The following RNF130 variants were observed in gnomAD, a reference collection of about 807,000 sequenced individuals.
The protein encoded by RNF130 is E3 ubiquitin-protein ligase RNF130.
RNF130 carries 21 observed loss-of-function variants against 44.6 expected under a neutral mutation model. The observed-to-expected ratio is 0.47, with a 90% CI of 0.33 to 0.68. The LOEUF (loss-of-function observed/expected upper bound fraction) is 0.68, where lower values mean the gene tolerates loss of function less well. Ranked by LOEUF, RNF130 falls within the 30% of genes least tolerant of loss-of-function variation. RNF130 has a pLI of 0.02. For synonymous variants in RNF130, 214 were observed against 210.4 expected (o/e 1.02, Z -0.15); for missense variants, 479 against 560.6 (o/e 0.85, Z 1.47).
At position 180,071,465 on chromosome 5, in the gene RNF130, G is replaced by A. The variant is rs1765262373; in HGVS notation, c.238C>T (p.Leu80Phe). 2 of 1,244,384 alleles carry A rather than the reference G, an allele frequency of 1.6e-6. No homozygotes were observed. The highest frequency in any genetic ancestry group is 3.4e-5 in the South Asian group (1 of 29,054). 77.1% of individuals were successfully genotyped at this position (1,244,384 alleles called of 1,614,324 possible). A position where few individuals can be genotyped will look rare whatever the true frequency, so the allele number is the denominator to read the frequency against. Residue 80 changes from leucine (L) to phenylalanine (F), a missense_variant, in exon 1 of 9, where the codon CTC (leucine) becomes TTC (phenylalanine). Around this residue, in one of 3 missense-constraint regions of RNF130, gnomAD observed 138 missense variants for 126.9 expected, o/e 1.09. Transcript: ENST00000521389. ...CCGGGCCGGCACTCACCTCCGTGGAGGGGCAGCGGCGCCAGCACCTGGCCG... is the reference window on the plus strand; with the variant it reads ...CCGGGCCGGCACTCACCTCCGTGGAAGGGCAGCGGCGCCAGCACCTGGCCG... ...VRGQVLAPLP[L>F]HGVADHLGCD...
At chr5:179,925,455 G>A (rs565026324) in intron 7 of RNF130, among the ~76,000 whole-genome samples, 39 of 152,306 alleles carry the variant, frequency 2.6e-4, no homozygotes, top group South Asian at 1.7e-3. Flanking sequence ...ACCAAAAAGA[G>A]AAATAACAGG....
In RNF130 at chr5:180,013,229, T is replaced by C; in HGVS notation, c.525A>G (p.Val175=). Reference sequence around the variant, plus strand: ...GAGTTCCAACAGCTATTGTCATTTGTACAGAGATGTTTTTCTCCAGATAAC... The same window carrying C: ...GAGTTCCAACAGCTATTGTCATTTGCACAGAGATGTTTTTCTCCAGATAAC... The part of the protein sequence containing the change: ...ILSYLEKNIS[V]QMTIAVGTRM... Residue 175 remains valine (V), a synonymous_variant, in exon 3 of 9, where the codon GTA becomes GTG. Transcript: ENST00000521389. The C allele has an allele frequency of 6.2e-7, 1 of 1,614,236 alleles. No homozygotes were observed. Among genetic ancestry groups the C allele is most frequent in the South Asian group, 1.1e-5 (1 of 91,080 alleles).
At chr5:179,943,477 T>C (rs1750888562) in intron 7 of RNF130, among the ~76,000 whole-genome samples, 1 of 152,234 alleles carries the variant, frequency 6.6e-6, no homozygotes, top group Non-Finnish European at 1.5e-5. Context: ...ACTATTTTTA[T>C]TTTTTGCCAT....
At chr5:180,000,040 T>G (rs1468635956) in intron 3 of RNF130, among the ~76,000 whole-genome samples, 3 of 152,238 alleles carry the variant, frequency 2.0e-5, no homozygotes, top group Non-Finnish European at 4.4e-5. Context: ...GTGACTTTCA[T>G]ACTCCTGCAT....
At chr5:180,003,932 C>T (rs902652074) in intron 3 of RNF130, among the ~76,000 whole-genome samples, 1 of 152,196 alleles carries the variant, frequency 6.6e-6, no homozygotes, top group Middle Eastern at 3.2e-3. Flanking sequence ...TTATTCGGTA[C>T]ATACCATGTG....
intron 8 of RNF130, among the ~76,000 whole-genome samples, chr5:179,963,003 A>G (rs27010): frequency 6.6e-6 from 1 of 152,008 alleles, no homozygotes; most frequent in Non-Finnish European, 1.5e-5. Flanking sequence ...GGTCTTTCAA[A>G]CTGCTTCTTT....
At chr5:180,006,189 C>A (rs1412817077) in intron 3 of RNF130, among the ~76,000 whole-genome samples, 2 of 152,068 alleles carry the variant, frequency 1.3e-5, no homozygotes, top group Admixed American at 1.3e-4. Context: ...AAAATTCACT[C>A]TGCCATCTAA....
intron 1 of RNF130, among the ~76,000 whole-genome samples, chr5:180,051,235 A>ATT (rs1561707925): frequency 2.9e-4 from 16 of 55,772 alleles, no homozygotes; most frequent in South Asian, 1.2e-3. Flanking sequence ...TTGTATAGAT[A>ATT]TTATATTTAT....
chr5:179,951,064 T>C (rs1217818205), downstream of RNF130, among the ~76,000 whole-genome samples: 4 of 152,156 alleles, frequency 2.6e-5, no homozygotes, highest in African/African-American at 7.2e-5. Flanking sequence ...AACTCTGGCA[T>C]TGTGAGTTGG....
intron 7 of RNF130, among the ~76,000 whole-genome samples, chr5:179,942,320 T>A (rs548130010): frequency 4.1e-4 from 63 of 152,090 alleles, no homozygotes; most frequent in African/African-American, 1.4e-3. Flanking sequence ...AGTTGAGGAC[T>A]GATTCAATAT....
At chr5:180,038,998 A>T (rs936589416) in intron 2 of RNF130, among the ~76,000 whole-genome samples, 7 of 152,178 alleles carry the variant, frequency 4.6e-5, no homozygotes, top group African/African-American at 1.7e-4. Context: ...ACCTGCTCTG[A>T]AACCTAGCAG....
rs571049721 is a variant in RNF130 at position 179,916,251 on chromosome 5, G to A, written c.*4066C>T. ...TCTTCAGTTAAAACTAGCTTCAGCC[G>A]GGCGTGCGTGGCATGAGCCTGTGGT... On this transcript the variant is annotated 3_prime_UTR_variant, in exon 8 of 8. Transcript: ENST00000522208. 6.6e-5 allele frequency: 10 copies of A among 152,260 alleles called. No homozygotes were observed. In the East Asian group the frequency reaches 1.4e-3, roughly 21 times the overall value. The allele number at this position is 152,260 out of a possible 1,614,324, so 9.4% of individuals were successfully genotyped here.
Position 179,923,607 on chromosome 5 carries a change from C to A in RNF130, c.1151-3181G>T, listed in dbSNP as rs116160700. ...ATCACAGGTGGCCAACAGTGCAAAG[C>A]GTGTTCAGTGAGGCAAAGGCTGAGC... On this transcript the variant is annotated intron_variant, in intron 7 of 7. Coordinates refer to the RNF130 transcript ENST00000522208. Among the ~76,000 whole-genome samples, 1,369 of 152,266 alleles carry A rather than the reference C, an allele frequency of 9.0e-3. 25 individuals are homozygous for A. Among genetic ancestry groups the A allele is most frequent in the African/African-American group, 0.032 (1,325 of 41,546 alleles).
chr5:179,932,907 C>T (rs1250730462), intron 7 of RNF130, among the ~76,000 whole-genome samples: 3 of 152,114 alleles, frequency 2.0e-5, no homozygotes, highest in Non-Finnish European at 4.4e-5. Flanking sequence ...TTGTAATGCC[C>T]TTGTAATAAT....
At chr5:179,950,527 T>C (rs1762110234), downstream of RNF130, among the ~76,000 whole-genome samples, 1 of 152,270 alleles carries the variant, frequency 6.6e-6, no homozygotes, top group African/African-American at 2.4e-5. Context: ...TCATGGTTAC[T>C]GAGACCATGA....
chr5:179,918,524 C>T (rs1266777324), exon 8 of RNF130: 5 of 152,200 alleles, frequency 3.3e-5, no homozygotes, highest in Admixed American at 6.5e-5. Context: ...AATGCAGACG[C>T]GTGTCTGGAA....
chr5:180,006,892 C>G (rs1763473382), intron 3 of RNF130, among the ~76,000 whole-genome samples: 1 of 152,192 alleles, frequency 6.6e-6, no homozygotes, highest in Admixed American at 6.5e-5. Context: ...TTTGAACTAT[C>G]TACACCTATA....
exon 8 of RNF130, chr5:179,918,875 T>C (rs1761588408): frequency 6.6e-6 from 1 of 152,230 alleles, no homozygotes. Context: ...TGAGGCGTTA[T>C]TGACGCGTTA....
chr5:179,922,694 T>C (rs1367332397), intron 7 of RNF130, among the ~76,000 whole-genome samples: 1 of 151,608 alleles, frequency 6.6e-6, no homozygotes, highest in African/African-American at 2.4e-5. Flanking sequence ...TCCCAGCACT[T>C]TGGGAGGCTG....
Sources: gnomAD v4.1 joint callset for allele counts (sites outside exome capture counted in the v4.1 genomes callset) on GRCh38, gnomAD v4.1.1 for gene constraint, gnomAD v4.1.1 regional missense constraint, MANE v1.5 for transcripts, NCBI Gene and HGNC (gene_info 2026-07-23, HGNC 2026-07-21) for gene names.